Variants in ARID1B observed in about 807,000 individuals in gnomAD.
ARID1B encodes the protein AT-rich interactive domain-containing protein 1B.
A neutral mutation model predicts 212.3 loss-of-function variants in ARID1B; 30 were observed. The ratio of observed to expected loss-of-function variants is 0.14; its 90% CI spans 0.11 to 0.19. The LOEUF (loss-of-function observed/expected upper bound fraction) is 0.19. ARID1B is among the 10% of genes least tolerant of loss of function. The probability of loss-of-function intolerance (pLI) is 1.00; values close to 1 mark genes in which losing one functional copy is unlikely to be tolerated. For synonymous variants in ARID1B, 1,402 were observed against 1,301.7 expected, an observed-to-expected ratio of 1.08 and a Z score of -1.66; for missense variants, 2,891 against 3,204.0, an observed-to-expected ratio of 0.90 and a Z score of 2.36.
Position 157,133,228 on chromosome 6 carries a change from A to G in ARID1B, c.2761+21A>G, listed in dbSNP as rs1017724475. ...ACAAGGTAAAACCAAAGCTTCTCCA[A>G]AATGCATGGCAGCAAGTTGTAGAAA... On this transcript the variant is annotated intron_variant, in intron 7 of 19. Coordinates refer to ENST00000636930, the MANE Select transcript of ARID1B (RefSeq NM_001374828.1). The G allele has an allele frequency of 5.1e-6, 8 of 1,566,768 alleles. No homozygotes were observed. The African/African-American group carries it at 9.6e-5, about 19-fold the overall frequency.
intron 11 of ARID1B, among the ~76,000 whole-genome samples, chr6:157,179,751 G>A (rs1269612866): frequency 3.3e-5 from 5 of 152,100 alleles, no homozygotes; most frequent in African/African-American, 9.7e-5. Context: ...GGAAAGCGGC[G>A]GCCTCACATG....
chr6:157,039,887 C>CTTCCTTCA (rs1781752641), intron 4 of ARID1B, among the ~76,000 whole-genome samples: 2 of 116,744 alleles, frequency 1.7e-5, no homozygotes, highest in Non-Finnish European at 3.4e-5. Flanking sequence ...TTTTCTCTTC[C>CTTCCTTCA]TTCCTTCCTT....
intron 11 of ARID1B, among the ~76,000 whole-genome samples, chr6:157,178,709 C>T (rs909744929): frequency 1.5e-4 from 22 of 145,560 alleles, no homozygotes; most frequent in Admixed American, 1.4e-3. Context: ...GAGATAGGCA[C>T]AAGTTAATTA....
rs369402943 is a variant in ARID1B, at chr6:156,826,481, G to T, written c.1792-2746G>T. The stretch of plus-strand genomic sequence containing the variant: ...TTCTGCTTCCAGTGTTGGGCACAAC[G>T]CACATAGTAGGTGCTTAGTAAATGT... On this transcript the variant is annotated intron_variant, in intron 1 of 19. Coordinates refer to ENST00000636930, the MANE Select transcript of ARID1B (RefSeq NM_001374828.1). Among the ~76,000 whole-genome samples, 26 of 152,324 alleles carry T rather than the reference G, an allele frequency of 1.7e-4. No individual in the cohort carries two copies. The East Asian group carries it at 4.4e-3, about 26-fold the overall frequency.
chr6:157,129,343 A>G (rs367821996), intron 6 of ARID1B, among the ~76,000 whole-genome samples: 3 of 152,162 alleles, frequency 2.0e-5, no homozygotes, highest in African/African-American at 4.8e-5. Flanking sequence ...CAAGACCACA[A>G]TCTACGCCTT....
At chr6:157,019,646 C>T (rs1161819523) in intron 4 of ARID1B, among the ~76,000 whole-genome samples, 1 of 152,090 alleles carries the variant, frequency 6.6e-6, no homozygotes, top group East Asian at 1.9e-4. Context: ...AATGTTGGTA[C>T]TCCTGAAGGT....
chr6:156,950,991 T>C (rs1279685522), intron 4 of ARID1B, among the ~76,000 whole-genome samples: 1 of 152,192 alleles, frequency 6.6e-6, no homozygotes, highest in Non-Finnish European at 1.5e-5. Context: ...ATTACCCAGA[T>C]ACTCTATAAC....
In ARID1B at chr6:157,207,302, A is replaced by G. The variant is rs2128397478; in HGVS notation, c.6530A>G (p.His2177Arg). The G allele has an allele frequency of 6.2e-7, 1 of 1,614,058 alleles. No individual in the cohort carries two copies. Among genetic ancestry groups the G allele is most frequent in the Non-Finnish European group, 8.5e-7 (1 of 1,179,926 alleles). ...TTGCCAATTTTGGATGGCTTGCTGC[A>G]CTGGATGGTGTGCCCGTCTGCAGAG... ...ICLPILDGLLHWMVCPSAEAQ... is the reference protein window; with the variant it reads ...ICLPILDGLLRWMVCPSAEAQ... Residue 2177 changes from histidine (H) to arginine (R), a missense_variant, in exon 20 of 20, where the codon CAC becomes CGC. By Grantham distance (29) the His-to-Arg change is conservative. Coordinates refer to ENST00000636930, the MANE Select transcript of ARID1B (RefSeq NM_001374828.1). This position sits in a 1 kb window ranked among gnomAD's most constrained non-coding sequence, Gnocchi z 8.5.
intron 5 of ARID1B, among the ~76,000 whole-genome samples, chr6:157,101,932 A>G (rs531183333): frequency 5.4e-4 from 82 of 152,332 alleles, no homozygotes; most frequent in African/African-American, 1.9e-3. Context: ...TTGGCTTTTT[A>G]GCTGTAATGA....
chr6:156,932,697 GA>G (rs1297025591), intron 3 of ARID1B, among the ~76,000 whole-genome samples: 1 of 152,114 alleles, frequency 6.6e-6, no homozygotes, highest in East Asian at 1.9e-4. Flanking sequence ...GTTTCTTATG[GA>G]ATATTTTTAT....
intron 4 of ARID1B, among the ~76,000 whole-genome samples, chr6:157,018,517 C>T (rs1780044252): frequency 6.6e-6 from 1 of 152,138 alleles, no homozygotes; most frequent in Non-Finnish European, 1.5e-5. Context: ...CCCGGCATAA[C>T]TATTTCCTTT....
At chr6:156,852,488 G>A (rs1030151173) in intron 2 of ARID1B, among the ~76,000 whole-genome samples, 1 of 151,886 alleles carries the variant, frequency 6.6e-6, no homozygotes, top group Admixed American at 6.6e-5. Flanking sequence ...AAGAGCCAGT[G>A]ATTTGGACCT....
chr6:157,033,998 G>A (rs1235490521), intron 4 of ARID1B, among the ~76,000 whole-genome samples: 1 of 152,122 alleles, frequency 6.6e-6, no homozygotes, highest in Non-Finnish European at 1.5e-5. Flanking sequence ...TTGTTACAGT[G>A]TCTGTGTGGA....
At chr6:157,058,455 G>C (rs1469314245) in intron 4 of ARID1B, among the ~76,000 whole-genome samples, 1 of 152,118 alleles carries the variant, frequency 6.6e-6, no homozygotes, top group Non-Finnish European at 1.5e-5. Flanking sequence ...AATAGAGACA[G>C]GGTTTCACCA....
At chr6:157,035,705 C>G (rs527876111) in intron 4 of ARID1B, among the ~76,000 whole-genome samples, 1 of 152,364 alleles carries the variant, frequency 6.6e-6, no homozygotes, top group South Asian at 2.1e-4. Context: ...GGCTGCTCAT[C>G]TCCATCCCTA....
chr6:156,967,457 T>C (rs1368074175), intron 4 of ARID1B, among the ~76,000 whole-genome samples: 1 of 152,230 alleles, frequency 6.6e-6, no homozygotes, highest in Admixed American at 6.5e-5. Context: ...TGGGTTTTTT[T>C]CCTCCTGATG....
chr6:157,058,479 G>A (rs1178103984), intron 4 of ARID1B, among the ~76,000 whole-genome samples: 1 of 152,064 alleles, frequency 6.6e-6, no homozygotes, highest in Non-Finnish European at 1.5e-5. Context: ...TGGCCAGACT[G>A]GTCTTGAACT....
At chr6:157,129,171 CTT>C (rs1562642146) in intron 6 of ARID1B, among the ~76,000 whole-genome samples, 2 of 152,234 alleles carry the variant, frequency 1.3e-5, no homozygotes, top group African/African-American at 4.8e-5. Context: ...TTATAGGACA[CTT>C]TGACATATTA....
intron 2 of ARID1B, among the ~76,000 whole-genome samples, chr6:156,833,095 C>T (rs1583126029): frequency 6.6e-6 from 1 of 152,132 alleles, no homozygotes; most frequent in Non-Finnish European, 1.5e-5. Context: ...TGCCTCCAGG[C>T]TTCTGGAATT....
Sources: allele counts gnomAD v4.1 joint callset (sites outside exome capture counted in the v4.1 genomes callset), GRCh38; gene constraint gnomAD v4.1.1; non-coding constraint Gnocchi (gnomAD v3.1); transcripts MANE v1.5; gene names NCBI Gene and HGNC (gene_info 2026-07-23, HGNC 2026-07-21).